MMRN1: variants seen among roughly 807,000 people sequenced by gnomAD.
The protein encoded by MMRN1 is multimerin 1.
Under a neutral mutation model 100.7 loss-of-function variants are expected in MMRN1, and 94 were observed. That is an observed-to-expected ratio of 0.93 (90% CI 0.79 to 1.11). The LOEUF (loss-of-function observed/expected upper bound fraction) is 1.11. Ranked by LOEUF, MMRN1 falls within the 50% of genes least tolerant of loss-of-function variation. The probability of loss-of-function intolerance (pLI) is 0.00; values close to 1 mark genes in which losing one functional copy is unlikely to be tolerated. For synonymous variants in MMRN1, 575 were observed against 505.0 expected (o/e 1.14, Z -1.86); for missense variants, 1,606 against 1,439.1 (o/e 1.12, Z -1.88).
chr4:89,907,640 C>A (rs966031026), intron 1 of MMRN1, among the ~76,000 whole-genome samples: 2 of 151,224 alleles, frequency 1.3e-5, no homozygotes, highest in African/African-American at 4.8e-5. Context: ...CTCTGTACTT[C>A]AGTTTGGCTG....
At chr4:89,901,625 A>G (rs1721391898) in intron 1 of MMRN1, among the ~76,000 whole-genome samples, 3 of 152,146 alleles carry the variant, frequency 2.0e-5, no homozygotes, top group African/African-American at 7.2e-5. Context: ...AAGAGAAACC[A>G]TTATACTAAA....
intron 5 of MMRN1, among the ~76,000 whole-genome samples, chr4:89,930,138 A>G (rs565794953): frequency 7.2e-5 from 11 of 152,196 alleles, no homozygotes; most frequent in Non-Finnish European, 1.6e-4. Context: ...CCACTCAACT[A>G]TTAACATAAA....
At position 89,938,392 on chromosome 4, in the gene MMRN1, T is replaced by G. The variant is rs1578498492; in HGVS notation, c.3118+1594T>G. Among the ~76,000 whole-genome samples, 4 of 149,482 alleles carry G rather than the reference T, an allele frequency of 2.7e-5. No homozygotes were observed. The Admixed American group carries it at 2.7e-4, about 10-fold the overall frequency. On this transcript the variant is annotated intron_variant, in intron 6 of 7. Transcript: ENST00000264790. ...TTCCATACTATTTCCATTATTGGTC[T>G]TCATGTGGACACTTCATCATGATCT... is the stretch of plus-strand genomic sequence containing the variant.
intron 1 of MMRN1, among the ~76,000 whole-genome samples, chr4:89,883,165 T>G (rs11941682): frequency 0.4 from 60,321 of 151,858 alleles, 12,767 homozygotes; most frequent in East Asian, 0.46. Flanking sequence ...TTATATCTTC[T>G]TCTCTTGATA....
Position 89,895,436 on chromosome 4 carries a change from T to C in MMRN1, c.465T>C (p.Ser155=). ...GAAAGTCAAATGAACAAGCAACTTC[T>C]CTAAACACAGTTGGAGGCACTGGAG... ...FARKSNEQAT[S]LNTVGGTGGI... is the part of the protein sequence containing the mutation. Residue 155 remains serine, a synonymous_variant, in exon 1 of 8, where the codon TCT becomes TCC. Coordinates refer to ENST00000264790, the MANE Select transcript of MMRN1 (RefSeq NM_007351.3). 6.2e-7 allele frequency: 1 copy of C among 1,613,830 alleles called. No homozygotes were observed. The highest frequency in any genetic ancestry group is 8.5e-7 in the Non-Finnish European group (1 of 1,179,910).
At chr4:89,944,892 C>T (rs2110648871) in intron 6 of MMRN1, among the ~76,000 whole-genome samples, 1 of 152,234 alleles carries the variant, frequency 6.6e-6, no homozygotes, top group Non-Finnish European at 1.5e-5. Context: ...GTTAAATGTA[C>T]TAATGTTGAT....
chr4:89,896,695 A>G (rs2110580189), intron 1 of MMRN1, among the ~76,000 whole-genome samples: 1 of 152,300 alleles, frequency 6.6e-6, no homozygotes, highest in Admixed American at 6.5e-5. Context: ...GCTATGTGAA[A>G]GACATTTAGT....
At position 89,911,933 on chromosome 4, in the gene MMRN1, C is replaced by G. The variant is rs1302754900; in HGVS notation, c.744-11C>G. 1 of 1,522,214 alleles carries G rather than the reference C, an allele frequency of 6.6e-7. No individual in the cohort carries two copies. The highest frequency in any genetic ancestry group is 9.0e-7 in the Non-Finnish European group (1 of 1,106,368). The allele number at this position is 1,522,214 out of a possible 1,614,324, so 94.3% of individuals were successfully genotyped here. A position where few individuals can be genotyped will look rare whatever the true frequency, so the allele number is the denominator to read the frequency against. On this transcript the variant is annotated splice_polypyrimidine_tract_variant and intron_variant, in intron 2 of 7. Coordinates refer to ENST00000264790, the MANE Select transcript of MMRN1 (RefSeq NM_007351.3). ...AATAATCGATTTCCCTCCAATTGCT[C>G]AACTCTCTAGATCTCAGAAGATATC...
intron 1 of MMRN1, among the ~76,000 whole-genome samples, chr4:89,889,837 C>G (rs193194385): frequency 3.3e-5 from 5 of 151,984 alleles, no homozygotes; most frequent in African/African-American, 1.2e-4. Flanking sequence ...CTACTTGCAA[C>G]GAAAAATCAT....
At chr4:89,888,442 TG>T (rs1720983936) in intron 1 of MMRN1, among the ~76,000 whole-genome samples, 1 of 149,852 alleles carries the variant, frequency 6.7e-6, no homozygotes, top group African/African-American at 2.5e-5. Flanking sequence ...TGATATGGCG[TG>T]TTTTTTTTTT....
chr4:89,943,895 T>C (rs1335927333), intron 6 of MMRN1, among the ~76,000 whole-genome samples: 1 of 151,514 alleles, frequency 6.6e-6, no homozygotes, highest in Non-Finnish European at 1.5e-5. Flanking sequence ...GGCAGGAGAA[T>C]ATCTTGAACC....
Position 89,953,524 on chromosome 4 carries a change from A to C in MMRN1, c.*106A>C. On this transcript the variant is annotated 3_prime_UTR_variant, in exon 8 of 8. Coordinates refer to ENST00000264790, the MANE Select transcript of MMRN1 (RefSeq NM_007351.3). ...TTTTGGTTTTTCTACAGGAAATGAA[A>C]ATCAACTTGTTTTTTTAATATGAGT... 1.0e-6 allele frequency: 1 copy of C among 988,840 alleles called. No homozygotes were observed. The highest frequency in any genetic ancestry group is 2.3e-5 in the South Asian group (1 of 44,348). 61.3% of individuals were successfully genotyped at this position (988,840 alleles called of 1,614,324 possible).
intron 7 of MMRN1, among the ~76,000 whole-genome samples, chr4:89,952,111 C>T (rs1321180106): frequency 6.6e-6 from 1 of 152,078 alleles, no homozygotes; most frequent in African/African-American, 2.4e-5. Flanking sequence ...TAAAGAAATA[C>T]GCCTTTGATT....
intron 5 of MMRN1, 120 bp downstream of exon 5, chr4:89,928,088 A>C: frequency 2.7e-6 from 2 of 735,266 alleles, no homozygotes; most frequent in Non-Finnish European, 2.1e-6. Flanking sequence ...AAACCTAAGA[A>C]AGATTTTTTT....
intron 1 of MMRN1, among the ~76,000 whole-genome samples, chr4:89,887,829 A>G (rs1720970016): frequency 6.6e-6 from 1 of 151,904 alleles, no homozygotes; most frequent in African/African-American, 2.4e-5. Context: ...TTAACTACAA[A>G]TGCTATCAAT....
chr4:89,903,606 A>T (rs1368327395), intron 1 of MMRN1, among the ~76,000 whole-genome samples: 2 of 151,900 alleles, frequency 1.3e-5, no homozygotes, highest in Non-Finnish European at 2.9e-5. Flanking sequence ...TCATTTAATT[A>T]TTATAAGCAG....
Position 89,936,210 on chromosome 4 carries a change from T to G in MMRN1, c.2530T>G (p.Leu844Val), listed in dbSNP as rs562429957. Residue 844 changes from leucine (L) to valine (V), a missense_variant, in exon 6 of 8, where the codon TTG becomes GTG. Transcript: ENST00000264790. ...VRKYQQNMSHLEEKLLLTTKI... is the reference protein window; with the variant it reads ...VRKYQQNMSHVEEKLLLTTKI... Reference sequence around the variant, plus strand: ...AAAATACCAGCAAAATATGAGTCATTTGGAAGAAAAACTACTCTTAACTAC... The same window carrying G: ...AAAATACCAGCAAAATATGAGTCATGTGGAAGAAAAACTACTCTTAACTAC... The G allele has an allele frequency of 1.2e-6, 2 of 1,605,624 alleles. No homozygotes were observed. The highest frequency in any genetic ancestry group is 1.7e-6 in the Non-Finnish European group (2 of 1,177,786).
At chr4:89,885,043 A>T (rs1720906765) in intron 1 of MMRN1, among the ~76,000 whole-genome samples, 1 of 152,136 alleles carries the variant, frequency 6.6e-6, no homozygotes, top group Admixed American at 6.5e-5. Flanking sequence ...ATGCAGATAG[A>T]TTTCAATATA....
intron 1 of MMRN1, among the ~76,000 whole-genome samples, chr4:89,900,241 T>C (rs1279537193): frequency 4.6e-5 from 7 of 152,156 alleles, no homozygotes; most frequent in Admixed American, 4.6e-4. Context: ...TGTCTTAAAA[T>C]GTGTGAAATT....
Sources: gnomAD v4.1 joint callset for allele counts (sites outside exome capture counted in the v4.1 genomes callset) on GRCh38, gnomAD v4.1.1 for gene constraint, MANE v1.5 for transcripts, NCBI Gene and HGNC (gene_info 2026-07-23, HGNC 2026-07-21) for gene names.